STARD6: variants seen among roughly 807,000 people sequenced by gnomAD.
The protein encoded by STARD6 is stAR-related lipid transfer protein 6.
STARD6 carries 21 observed loss-of-function variants against 22.3 expected under a neutral mutation model. The ratio of observed to expected loss-of-function variants is 0.94; its 90% confidence interval spans 0.67 to 1.35. The LOEUF is 1.35. STARD6 is among the 40% of genes most tolerant of loss of function. The pLI is 0.00. For missense variants in STARD6, 269 were observed against 266.9 expected, an observed-to-expected ratio of 1.01 and a Z score of -0.05; for synonymous variants, 80 against 88.1, an observed-to-expected ratio of 0.91 and a Z score of 0.52.
At position 54,342,469 on chromosome 18, in the gene STARD6, C is replaced by G. The variant is rs201200209; in HGVS notation, c.141-5218G>C. Among the ~76,000 whole-genome samples the G allele has an allele frequency of 2.5e-3, 366 of 144,836 alleles. 4 individuals carry two copies. Among genetic ancestry groups the G allele is most frequent in the Non-Finnish European group, 3.1e-3 (210 of 67,160 alleles). On this transcript the variant is annotated intron_variant, in intron 4 of 7. Coordinates refer to ENST00000307844, the MANE Select transcript of STARD6 (RefSeq NM_139171.2). Reference sequence around the variant, plus strand: ...TCCCTCTCCCTCTCCCTCTCCCTCCCTCTCCGTCTCCGTCTCCGTCTCCCT... The same window carrying G: ...TCCCTCTCCCTCTCCCTCTCCCTCCGTCTCCGTCTCCGTCTCCGTCTCCCT...
chr18:54,349,307 T>G (rs780956617), intron 4 of STARD6, among the ~76,000 whole-genome samples: 1 of 152,048 alleles, frequency 6.6e-6, no homozygotes, highest in African/African-American at 2.4e-5. Context: ...ACATTAGCCT[T>G]GGAAACATTT....
At chr18:54,341,204 C>T (rs754710792) in intron 4 of STARD6, among the ~76,000 whole-genome samples, 36 of 151,964 alleles carry the variant, frequency 2.4e-4, no homozygotes, top group Admixed American at 1.6e-3. Flanking sequence ...GGACTAGAGG[C>T]GCCCGCCACT....
chr18:54,346,089 A>C (rs546962710), intron 4 of STARD6, among the ~76,000 whole-genome samples: 1 of 152,254 alleles, frequency 6.6e-6, no homozygotes, highest in Non-Finnish European at 1.5e-5. Flanking sequence ...AATTTTTAAA[A>C]ATTGTGCTTC....
chr18:54,339,702 TCCTG>T (rs1435673854), intron 4 of STARD6, among the ~76,000 whole-genome samples: 1 of 152,150 alleles, frequency 6.6e-6, no homozygotes, highest in East Asian at 1.9e-4. Context: ...TTGGTAGTAG[TCCTG>T]CCTTACAAAA....
rs373944026 is a variant in STARD6, at chr18:54,342,423, GTCTCCCTCTCCCTCTCCC to G, written c.141-5190_141-5173del. The stretch of plus-strand genomic sequence containing the variant: ...AAGATATCATAAGAAAATGCTCTCC[GTCTCCCTCTCCCTCTCCC>G]TCTCCCTCTCCCTCTCCCTCTCCCT... On this transcript the variant is annotated intron_variant, in intron 4 of 7. Transcript: ENST00000307844. Among the ~76,000 whole-genome samples the G allele has an allele frequency of 6.8e-5, 8 of 118,226 alleles. 1 individual carries two copies. Among genetic ancestry groups the G allele is most frequent in the African/African-American group, 2.8e-4 (6 of 21,632 alleles). 77.6% of individuals were successfully genotyped at this position (118,226 alleles called of 152,430 possible).
At chr18:54,326,376 G>A (rs1385598387) in intron 7 of STARD6, among the ~76,000 whole-genome samples, 2 of 148,032 alleles carry the variant, frequency 1.4e-5, no homozygotes, top group Non-Finnish European at 3.0e-5. Context: ...CTGTCACCCA[G>A]GCTGGAGTGC....
At chr18:54,339,902 A>G (rs909999489) in intron 4 of STARD6, among the ~76,000 whole-genome samples, 1 of 152,164 alleles carries the variant, frequency 6.6e-6, no homozygotes, top group Non-Finnish European at 1.5e-5. Flanking sequence ...ATAACATTTT[A>G]TTGGGCTTAT....
At chr18:54,329,301 G>A in intron 7 of STARD6, 46 bp downstream of exon 7, 1 of 1,436,592 alleles carries the variant, frequency 7.0e-7, no homozygotes, top group South Asian at 1.4e-5. Flanking sequence ...ATCACAAGTT[G>A]AACTAAAAAA....
chr18:54,335,190 AT>A (rs1306473141), intron 5 of STARD6, among the ~76,000 whole-genome samples: 2 of 150,848 alleles, frequency 1.3e-5, no homozygotes, highest in East Asian at 3.9e-4. Context: ...TTATTTATTT[AT>A]TTATTTATTT....
chr18:54,339,072 A>C (rs1233521800), intron 4 of STARD6, among the ~76,000 whole-genome samples: 5 of 146,984 alleles, frequency 3.4e-5, no homozygotes, highest in South Asian at 2.1e-4. Context: ...AAAAAAAAAA[A>C]AAAAAAAACT....
At chr18:54,344,612 C>T (rs1398637090) in intron 4 of STARD6, among the ~76,000 whole-genome samples, 2 of 101,032 alleles carry the variant, frequency 2.0e-5, no homozygotes, top group East Asian at 6.0e-4. Flanking sequence ...GAAAATAAAA[C>T]TACACCCCAG....
At chr18:54,344,650 C>T (rs1395797677) in intron 4 of STARD6, among the ~76,000 whole-genome samples, 1 of 148,694 alleles carries the variant, frequency 6.7e-6, no homozygotes, top group Non-Finnish European at 1.5e-5. Flanking sequence ...CAAAAACCTT[C>T]AAGAAAGTAC....
chr18:54,324,997 T>C (rs2088812046), intron 7 of STARD6, 122 bp from the exon 8 acceptor site: 1 of 685,024 alleles, frequency 1.5e-6, no homozygotes, highest in Admixed American at 3.9e-5. Flanking sequence ...AAAATTGTAC[T>C]TAAAAATATT....
At position 54,342,379 on chromosome 18, in the gene STARD6, T is replaced by C. The variant is rs1237828975; in HGVS notation, c.141-5128A>G. On this transcript the variant is annotated intron_variant, in intron 4 of 7. Transcript: ENST00000307844. The stretch of plus-strand genomic sequence containing the variant: ...GAGGAAACATTTCCCAAATTTTAGC[T>C]TGATATCAAAACCAGATAAAGATAT... Among the ~76,000 whole-genome samples, 7 of 151,876 alleles carry C rather than the reference T, an allele frequency of 4.6e-5. No homozygotes were observed. The East Asian group carries it at 9.6e-4, about 21-fold the overall frequency.
intron 7 of STARD6, among the ~76,000 whole-genome samples, chr18:54,327,572 G>A (rs966487304): frequency 3.3e-5 from 5 of 152,110 alleles, no homozygotes; most frequent in East Asian, 1.9e-4. Flanking sequence ...TACTGGATAC[G>A]TTTATAAGGA....
chr18:54,345,391 T>C (rs186307505), intron 4 of STARD6, among the ~76,000 whole-genome samples: 3 of 152,298 alleles, frequency 2.0e-5, no homozygotes, highest in South Asian at 2.1e-4. Flanking sequence ...CTGAAACTTA[T>C]AAAACATTCT....
chr18:54,348,035 C>T lies in STARD6; in HGVS notation c.140+6019G>A, dbSNP rs118121800. ...ATAAGGGGTTTCCCTTTTCACTTGT[C>T]TCTCAATTCTCTCTTGTCTGCTGCC... On this transcript the variant is annotated intron_variant, in intron 4 of 7. Transcript: ENST00000307844. Among the ~76,000 whole-genome samples, 353 of 152,168 alleles carry T rather than the reference C, an allele frequency of 2.3e-3. 4 individuals are homozygous for T. In the East Asian group the frequency reaches 0.025, roughly 11 times the overall value.
intron 4 of STARD6, among the ~76,000 whole-genome samples, chr18:54,344,690 A>G (rs2089019222): frequency 6.6e-6 from 1 of 152,176 alleles, no homozygotes; most frequent in African/African-American, 2.4e-5. Context: ...ATGTATAAAA[A>G]GGATTATAAA....
chr18:54,342,193 C>T (rs2088974945), intron 4 of STARD6, among the ~76,000 whole-genome samples: 2 of 152,194 alleles, frequency 1.3e-5, no homozygotes, highest in Non-Finnish European at 2.9e-5. Context: ...AGCAATAGCA[C>T]ATCTTAATTA....
Sources: allele counts gnomAD v4.1 joint callset (sites outside exome capture counted in the v4.1 genomes callset), GRCh38; gene constraint gnomAD v4.1.1; transcripts MANE v1.5; gene names NCBI Gene and HGNC (gene_info 2026-07-23, HGNC 2026-07-21).